Variants in THSD4 observed in about 807,000 individuals in gnomAD.
THSD4 encodes thrombospondin type-1 domain-containing protein 4.
Under a neutral mutation model 119.0 loss-of-function variants are expected in THSD4, and 69 were observed. The ratio of observed to expected loss-of-function variants is 0.58; its 90% confidence interval spans 0.48 to 0.71. The LOEUF is 0.71. Ranked by LOEUF, THSD4 falls within the 30% of genes least tolerant of loss-of-function variation. The pLI, the probability that THSD4 is intolerant of heterozygous loss-of-function variation, is 0.00. For synonymous variants in THSD4, 524 were observed against 540.4 expected (o/e 0.97, Z 0.42); for missense variants, 1,393 against 1,391.1 (o/e 1.00, Z -0.02).
intron 6 of THSD4, among the ~76,000 whole-genome samples, chr15:71,271,665 CTCTT>C (rs1428232438): frequency 2.6e-5 from 4 of 152,116 alleles, no homozygotes; most frequent in Non-Finnish European, 5.9e-5. Context: ...TTTCCCTTTT[CTCTT>C]TCTTTCTCAT....
intron 1 of THSD4, among the ~76,000 whole-genome samples, chr15:71,105,834 T>C (rs549578897): frequency 6.6e-6 from 1 of 152,316 alleles, no homozygotes; most frequent in Admixed American, 6.5e-5. Context: ...ATGCCTTCAA[T>C]TGTTTTTCTG....
chr15:71,260,780 G>A (rs998277484), intron 6 of THSD4, among the ~76,000 whole-genome samples: 1 of 152,128 alleles, frequency 6.6e-6, no homozygotes, highest in African/African-American at 2.4e-5. Context: ...CTTGAGGGCT[G>A]AATTGCACCC....
intron 6 of THSD4, among the ~76,000 whole-genome samples, chr15:71,281,949 G>A (rs1220322117): frequency 6.6e-6 from 1 of 152,152 alleles, no homozygotes; most frequent in Non-Finnish European, 1.5e-5. Flanking sequence ...TGACTCTGAT[G>A]TTCACCTGCT....
chr15:71,158,039 T>C (rs1458019038), intron 3 of THSD4, among the ~76,000 whole-genome samples: 3 of 152,116 alleles, frequency 2.0e-5, no homozygotes, highest in Non-Finnish European at 2.9e-5. Flanking sequence ...GTTCTATTTT[T>C]AGTTTATTAA....
At chr15:71,374,747 A>C (rs2046107650) in intron 6 of THSD4, among the ~76,000 whole-genome samples, 1 of 152,188 alleles carries the variant, frequency 6.6e-6, no homozygotes, top group Non-Finnish European at 1.5e-5. Context: ...CAGCAAAGGA[A>C]AACGCCCAAT....
At chr15:71,158,406 G>C (rs2043221313) in intron 3 of THSD4, among the ~76,000 whole-genome samples, 1 of 152,028 alleles carries the variant, frequency 6.6e-6, no homozygotes, top group Non-Finnish European at 1.5e-5. Context: ...GCCCACCTCG[G>C]CCTTCCAAAG....
intron 6 of THSD4, among the ~76,000 whole-genome samples, chr15:71,343,524 G>A (rs2045609977): frequency 6.6e-6 from 1 of 152,076 alleles, no homozygotes; most frequent in African/African-American, 2.4e-5. Context: ...TCCTCTTCCA[G>A]CTTTTGGTGG....
At chr15:71,201,285 C>G (rs527551357) in intron 3 of THSD4, among the ~76,000 whole-genome samples, 1 of 152,272 alleles carries the variant, frequency 6.6e-6, no homozygotes, top group East Asian at 1.9e-4. Context: ...ATTTGGCCAT[C>G]TGGGATGCTA....
chr15:71,712,392 G>C (rs2052534560), intron 8 of THSD4, among the ~76,000 whole-genome samples: 1 of 152,186 alleles, frequency 6.6e-6, no homozygotes, highest in Non-Finnish European at 1.5e-5. Context: ...GAAATCTGTG[G>C]CATTAAATGC....
At chr15:71,575,316 C>A (rs1016167810) in intron 7 of THSD4, among the ~76,000 whole-genome samples, 1 of 152,166 alleles carries the variant, frequency 6.6e-6, no homozygotes, top group Non-Finnish European at 1.5e-5. Flanking sequence ...GCACTGATTT[C>A]ACTTTTAGCT....
intron 6 of THSD4, among the ~76,000 whole-genome samples, chr15:71,362,098 G>A (rs567469533): frequency 2.2e-4 from 33 of 152,234 alleles, no homozygotes; most frequent in Admixed American, 7.2e-4. Flanking sequence ...CCAACATGGC[G>A]AAACCCCATC....
chr15:71,386,999 C>T (rs1014839812), intron 6 of THSD4, among the ~76,000 whole-genome samples: 6 of 152,170 alleles, frequency 3.9e-5, no homozygotes, highest in Non-Finnish European at 2.9e-5. Context: ...GCAAGGTTTC[C>T]GGGTTTTCTG....
At chr15:71,250,791 A>G (rs1301589969) in intron 5 of THSD4, among the ~76,000 whole-genome samples, 3 of 152,216 alleles carry the variant, frequency 2.0e-5, no homozygotes, top group African/African-American at 7.2e-5. Flanking sequence ...GAATATTTAA[A>G]AATCTATGAT....
At chr15:71,723,343 A>G (rs549032733) in intron 8 of THSD4, among the ~76,000 whole-genome samples, 1 of 152,256 alleles carries the variant, frequency 6.6e-6, no homozygotes, top group East Asian at 1.9e-4. Flanking sequence ...AATGTTTGCT[A>G]ATTTGGATGG....
intron 6 of THSD4, among the ~76,000 whole-genome samples, chr15:71,360,697 A>C (rs1449127903): frequency 1.3e-5 from 2 of 152,194 alleles, no homozygotes; most frequent in African/African-American, 2.4e-5. Context: ...GTATTCATAG[A>C]TCCAAGAAGG....
chr15:71,724,080 A>G (rs1202133275), intron 8 of THSD4, among the ~76,000 whole-genome samples: 2 of 149,774 alleles, frequency 1.3e-5, no homozygotes, highest in Non-Finnish European at 3.0e-5. Flanking sequence ...AAAAAAAAAA[A>G]AAAAAAAAAT....
chr15:71,705,810 T>C lies in THSD4; in HGVS notation c.1358-22739T>C, dbSNP rs1011198731. 2.6e-4 allele frequency among the ~76,000 whole-genome samples: 39 copies of C among 152,136 alleles called. 1 individual carries two copies. The highest frequency in any genetic ancestry group is 8.7e-4 in the African/African-American group (36 of 41,420). ...GACATGAACTCTTCCCTCCAAGAGT[T>C]TGTGGCAGTTCATATAATGAGGGAG... On this transcript the variant is annotated intron_variant, in intron 8 of 17. Transcript: ENST00000261862.
At chr15:71,637,553 T>C (rs2050769081) in intron 7 of THSD4, among the ~76,000 whole-genome samples, 1 of 151,964 alleles carries the variant, frequency 6.6e-6, no homozygotes, top group South Asian at 2.1e-4. Context: ...GCCAGTAACC[T>C]GGTGAGGGTA....
chr15:71,260,916 C>T (rs144579275), intron 6 of THSD4, among the ~76,000 whole-genome samples: 194 of 152,264 alleles, frequency 1.3e-3, no homozygotes, highest in African/African-American at 4.2e-3. Context: ...GCCTGACCAA[C>T]GTGGTGAAAC....
Sources: allele counts gnomAD v4.1 joint callset (sites outside exome capture counted in the v4.1 genomes callset), GRCh38; gene constraint gnomAD v4.1.1; transcripts MANE v1.5; gene names NCBI Gene and HGNC (gene_info 2026-07-23, HGNC 2026-07-21).